RPH3AL: variants seen among roughly 807,000 people sequenced by gnomAD.
The protein encoded by RPH3AL is rabphilin 3A like (without C2 domains).
A neutral mutation model predicts 43.1 loss-of-function variants in RPH3AL; 38 were observed. The observed-to-expected ratio is 0.88, with a 90% CI of 0.68 to 1.15. RPH3AL has a LOEUF of 1.15. Ranked by LOEUF, RPH3AL falls within the 50% of genes most tolerant of loss-of-function variation. RPH3AL has a pLI of 0.00. For missense variants in RPH3AL, 462 were observed against 423.2 expected, an observed-to-expected ratio of 1.09 and a Z score of -0.81; for synonymous variants, 189 against 176.3, an observed-to-expected ratio of 1.07 and a Z score of -0.57.
At chr17:273,012 C>G (rs73971681) in intron 6 of RPH3AL, among the ~76,000 whole-genome samples, 798 of 62,844 alleles carry the variant, frequency 0.013, 32 homozygotes, top group African/African-American at 0.048. Flanking sequence ...CCAGCGAGGG[C>G]GACATCAGGA....
Position 271,625 on chromosome 17 carries a change from T to C in RPH3AL, c.438+10143A>G, listed in dbSNP as rs2042465215. Among the ~76,000 whole-genome samples, 6 of 152,254 alleles carry C rather than the reference T, an allele frequency of 3.9e-5. No homozygotes were observed. The South Asian group carries it at 1.2e-3, about 31-fold the overall frequency. On this transcript the variant is annotated intron_variant, in intron 6 of 9. Coordinates refer to ENST00000331302, the MANE Select transcript of RPH3AL (RefSeq NM_006987.4). ...ATTATTGCACATTGATTTTGTACCC[T>C]GAGACTTTGCTGAAGTTGCTTATCA...
At chr17:300,594 G>A (rs2043302356) in intron 5 of RPH3AL, among the ~76,000 whole-genome samples, 1 of 92,176 alleles carries the variant, frequency 1.1e-5, no homozygotes, top group African/African-American at 4.6e-5. Flanking sequence ...ACCCGCTCTA[G>A]CAGGGGCTGG....
intron 7 of RPH3AL, among the ~76,000 whole-genome samples, chr17:243,667 A>AC (rs1344299691): frequency 6.0e-5 from 7 of 117,332 alleles, no homozygotes; most frequent in African/African-American, 2.0e-4. Flanking sequence ...TCTATTGACT[A>AC]CCTTCCTCTA....
chr17:219,192 C>CTTTTTTTTTTTTTTTTTTT (rs796389217), intron 8 of RPH3AL, among the ~76,000 whole-genome samples: 1 of 58,018 alleles, frequency 1.7e-5, no homozygotes, highest in African/African-American at 7.8e-5. Flanking sequence ...ATAAACAGCA[C>CTTTTTTTTTTTTTTTTTTT]TTTTTTTTTT....
In RPH3AL at chr17:213,523, C is replaced by T; in HGVS notation, c.*329G>A. The T allele has an allele frequency of 2.2e-6, 1 of 453,554 alleles. No individual in the cohort carries two copies. Among genetic ancestry groups the T allele is most frequent in the East Asian group, 4.4e-5 (1 of 22,584 alleles). 28.1% of individuals were successfully genotyped at this position (453,554 alleles called of 1,614,324 possible). On this transcript the variant is annotated 3_prime_UTR_variant, in exon 10 of 10. Transcript: ENST00000331302. ...GCCCCACCGGGCGGCCCCTCTGACA[C>T]TGCATGTGGGAAACCCCCCAGCCCA...
chr17:329,885 T>C (rs1354277556), intron 2 of RPH3AL, among the ~76,000 whole-genome samples: 1 of 152,236 alleles, frequency 6.6e-6, no homozygotes, highest in Non-Finnish European at 1.5e-5. Flanking sequence ...TTTTCTTTGA[T>C]ATTGCACCCA....
At chr17:314,109 C>T (rs907602893) in intron 5 of RPH3AL, among the ~76,000 whole-genome samples, 2 of 152,324 alleles carry the variant, frequency 1.3e-5, no homozygotes, top group African/African-American at 4.8e-5. Context: ...TAAGACATGG[C>T]TCCAAGGAGC....
intron 6 of RPH3AL, among the ~76,000 whole-genome samples, chr17:269,160 G>C (rs369139372): frequency 1.3e-5 from 2 of 152,216 alleles, no homozygotes; most frequent in African/African-American, 2.4e-5. Context: ...TCACAGGCGT[G>C]AGCCACCGTG....
intron 6 of RPH3AL, among the ~76,000 whole-genome samples, chr17:263,493 G>A (rs181352517): frequency 1.2e-4 from 19 of 152,290 alleles, no homozygotes; most frequent in South Asian, 4.1e-4. Context: ...GCCGCCGGGC[G>A]ACTGCCGTTC....
chr17:281,108 G>A (rs1011624339), intron 6 of RPH3AL, among the ~76,000 whole-genome samples: 2 of 152,072 alleles, frequency 1.3e-5, no homozygotes, highest in Non-Finnish European at 2.9e-5. Flanking sequence ...CTGCCCATCT[G>A]CTACTCCCCA....
intron 1 of RPH3AL, among the ~76,000 whole-genome samples, chr17:340,110 T>C (rs1196536019): frequency 6.6e-6 from 1 of 151,782 alleles, no homozygotes; most frequent in Non-Finnish European, 1.5e-5. Context: ...CCAGACCTCC[T>C]CAGTCACCCC....
intron 6 of RPH3AL, among the ~76,000 whole-genome samples, chr17:277,889 A>T (rs767668666): frequency 3.9e-5 from 6 of 152,012 alleles, no homozygotes; most frequent in Non-Finnish European, 8.8e-5. Flanking sequence ...CTGAAGGCAG[A>T]GGTTGCAGTG....
Position 212,486 on chromosome 17 carries a change from A to G in RPH3AL, c.*1366T>C, listed in dbSNP as rs1395251265. On this transcript the variant is annotated 3_prime_UTR_variant, in exon 10 of 10. Coordinates refer to ENST00000331302, the MANE Select transcript of RPH3AL (RefSeq NM_006987.4). ...GGCAATCGTGGTCTTCGATCAACAC[A>G]CTGGCTCGGTGCAAATTTTAATCTT... 2 of 152,078 alleles carry G rather than the reference A, an allele frequency of 1.3e-5. No individual in the cohort carries two copies. Among genetic ancestry groups the G allele is most frequent in the Non-Finnish European group, 2.9e-5 (2 of 68,024 alleles). 9.4% of individuals were successfully genotyped at this position (152,078 alleles called of 1,614,324 possible). A position where few individuals can be genotyped will look rare whatever the true frequency, so the allele number is the denominator to read the frequency against.
intron 6 of RPH3AL, among the ~76,000 whole-genome samples, chr17:272,726 A>G (rs1198610710): frequency 1.3e-5 from 2 of 150,508 alleles, no homozygotes; most frequent in Non-Finnish European, 3.0e-5. Context: ...CTGCACATTG[A>G]GCACATGTAC....
chr17:278,240 T>C (rs1383034533), intron 6 of RPH3AL, among the ~76,000 whole-genome samples: 1 of 152,174 alleles, frequency 6.6e-6, no homozygotes, highest in Non-Finnish European at 1.5e-5. Flanking sequence ...CTCCTTTCAC[T>C]TGGTCTCATT....
chr17:244,572 C>T (rs912978680), intron 7 of RPH3AL, among the ~76,000 whole-genome samples: 3 of 152,026 alleles, frequency 2.0e-5, no homozygotes, highest in Admixed American at 6.6e-5. Context: ...AGATGCTGGC[C>T]CCGGGGCCCT....
In RPH3AL at chr17:264,371, G is replaced by GTGTGTGTGAC. The variant is rs2042272022; in HGVS notation, c.439-17087_439-17086insGTCACACACA. ...GCTGGATGGGGACTCAGAATCCGCA[G>GTGTGTGTGAC]CACGTTGACAGCAGGATTACCCTTC... On this transcript the variant is annotated intron_variant, in intron 6 of 9. Coordinates refer to ENST00000331302, the MANE Select transcript of RPH3AL (RefSeq NM_006987.4). The surrounding 1 kb of genome is among the most constrained non-coding windows in gnomAD (Gnocchi z 4.8). Among the ~76,000 whole-genome samples, 1 of 64,846 alleles carries GTGTGTGTGAC rather than the reference G, an allele frequency of 1.5e-5. No homozygotes were observed. The highest frequency in any genetic ancestry group is 3.1e-5 in the Non-Finnish European group (1 of 32,454). The allele number at this position is 64,846 out of a possible 152,430, so 42.5% of individuals were successfully genotyped here.
rs114061022 is a variant in RPH3AL, at chr17:281,237, G to A, written c.438+531C>T. Among the ~76,000 whole-genome samples, 709 of 152,220 alleles carry A rather than the reference G, an allele frequency of 4.7e-3. 9 individuals are homozygous for A. The highest frequency in any genetic ancestry group is 0.016 in the African/African-American group (675 of 41,528). ...TGACAGCAGACAACGGCTGAGTTTG[G>A]TTTCCAGCTCCCCCACTAACTGGCT... On this transcript the variant is annotated intron_variant, in intron 6 of 9. Transcript: ENST00000331302.
At chr17:314,726 A>T in intron 5 of RPH3AL, among the ~76,000 whole-genome samples, 1 of 141,844 alleles carries the variant, frequency 7.1e-6, no homozygotes, top group African/African-American at 2.8e-5. Context: ...ACCTCCACTG[A>T]CCTGTAGTCT....
Sources: gnomAD v4.1 joint callset for allele counts (sites outside exome capture counted in the v4.1 genomes callset) on GRCh38, gnomAD v4.1.1 for gene constraint, Gnocchi (gnomAD v3.1) non-coding constraint, MANE v1.5 for transcripts, NCBI Gene and HGNC (gene_info 2026-07-23, HGNC 2026-07-21) for gene names.